Variants in BTBD7 observed in about 807,000 individuals in gnomAD.
BTBD7 encodes the protein BTB domain containing 7, also known as BTB/POZ domain-containing protein 7.
In BTBD7, 38 loss-of-function variants were observed where a neutral mutation model predicts 99.9. The observed-to-expected ratio is 0.38, with a 90% confidence interval of 0.29 to 0.50. The LOEUF (loss-of-function observed/expected upper bound fraction) is 0.50, where lower values mean the gene tolerates loss of function less well. Among genes scored for constraint, BTBD7 ranks in the 20% least tolerant of loss-of-function variants. The pLI, the probability that BTBD7 is intolerant of heterozygous loss-of-function variation, is 0.93. For synonymous variants in BTBD7, 520 were observed against 511.4 expected (o/e 1.02, Z -0.23); for missense variants, 1,170 against 1,394.6 (o/e 0.84, Z 2.57).
At chr14:93,280,595 C>A (rs1343314582) in intron 3 of BTBD7, among the ~76,000 whole-genome samples, 1 of 151,974 alleles carries the variant, frequency 6.6e-6, no homozygotes, top group Non-Finnish European at 1.5e-5. Flanking sequence ...GTATGAGATA[C>A]ATAAAAATGT....
intron 4 of BTBD7, 53 bp from the exon 5 acceptor site, chr14:93,261,730 A>G (rs900848459): frequency 8.8e-6 from 12 of 1,364,330 alleles, no homozygotes; most frequent in Admixed American, 3.5e-5. Context: ...TAAGTGGTTA[A>G]TTTCATTAAG....
rs951006677 is a variant in BTBD7 at position 93,332,833 on chromosome 14, C to T, written c.-120G>A. The T allele has an allele frequency of 6.8e-7, 1 of 1,478,374 alleles. No homozygotes were observed. Among genetic ancestry groups the T allele is most frequent in the Non-Finnish European group, 8.9e-7 (1 of 1,120,962 alleles). The allele number at this position is 1,478,374 out of a possible 1,614,324, so 91.6% of individuals were successfully genotyped here. A position where few individuals can be genotyped will look rare whatever the true frequency, so the allele number is the denominator to read the frequency against. ...AGGGACACTCACCCCGGAGGCTCCT[C>T]CCGCCGCTGCTGCTGCCGCTGGGAC... On this transcript the variant is annotated 5_prime_UTR_variant, in exon 1 of 11. Transcript: ENST00000334746.
At chr14:93,282,666 C>G (rs2052734528) in intron 3 of BTBD7, among the ~76,000 whole-genome samples, 1 of 152,116 alleles carries the variant, frequency 6.6e-6, no homozygotes, top group Non-Finnish European at 1.5e-5. Flanking sequence ...TCAACTGTAT[C>G]TCAACTCTGA....
intron 3 of BTBD7, among the ~76,000 whole-genome samples, chr14:93,278,448 T>C (rs2052680611): frequency 6.6e-6 from 1 of 152,112 alleles, no homozygotes; most frequent in Non-Finnish European, 1.5e-5. Flanking sequence ...CCTTCTGATA[T>C]CTTCTGGTTG....
At chr14:93,306,440 T>TAA (rs10717168) in intron 1 of BTBD7, among the ~76,000 whole-genome samples, 2,583 of 126,874 alleles carry the variant, frequency 0.02, 47 homozygotes, top group South Asian at 0.075. Context: ...CATCTCTCTT[T>TAA]AAAAAAAAAA....
At chr14:93,328,414 T>C (rs1429456840) in intron 1 of BTBD7, among the ~76,000 whole-genome samples, 3 of 152,026 alleles carry the variant, frequency 2.0e-5, no homozygotes, top group Admixed American at 6.6e-5. Context: ...AACAAACTTA[T>C]GGACCAATGG....
chr14:93,289,195 A>G (rs1344099194), intron 3 of BTBD7, among the ~76,000 whole-genome samples: 1 of 152,234 alleles, frequency 6.6e-6, no homozygotes, highest in African/African-American at 2.4e-5. Flanking sequence ...CCATGCATAC[A>G]TAGCAGCTTT....
intron 1 of BTBD7, among the ~76,000 whole-genome samples, chr14:93,300,065 G>C (rs1006761126): frequency 1.3e-5 from 2 of 152,060 alleles, no homozygotes; most frequent in Non-Finnish European, 2.9e-5. Flanking sequence ...GGGAGTTAAG[G>C]TATCTAGGAT....
In BTBD7 at chr14:93,288,714, A is replaced by T. The variant is rs780169708; in HGVS notation, c.1162+5144T>A. On this transcript the variant is annotated intron_variant, in intron 3 of 10. Coordinates refer to ENST00000334746, the MANE Select transcript of BTBD7 (RefSeq NM_001002860.4). ...CTGATGACTGTAGTCTCCTCTGTAA[A>T]ACAAATGGAAGGCAAGCTGGCTTTT... is the stretch of plus-strand genomic sequence containing the variant. The T allele has an allele frequency of 2.5e-6, 4 of 1,607,010 alleles. No homozygotes were observed. In the East Asian group the frequency reaches 8.9e-5, roughly 36 times the overall value.
chr14:93,279,624 T>A (rs552285845), intron 3 of BTBD7, among the ~76,000 whole-genome samples: 2 of 152,172 alleles, frequency 1.3e-5, no homozygotes, highest in Non-Finnish European at 2.9e-5. Flanking sequence ...CCCAGCTCAC[T>A]GCAACCTCCG....
intron 9 of BTBD7, among the ~76,000 whole-genome samples, chr14:93,247,651 C>T (rs1214545561): frequency 6.6e-6 from 1 of 152,196 alleles, no homozygotes; most frequent in Non-Finnish European, 1.5e-5. Flanking sequence ...CGGCCACATC[C>T]TATCCTTTTA....
intron 1 of BTBD7, among the ~76,000 whole-genome samples, chr14:93,311,830 T>C (rs1003138240): frequency 1.3e-5 from 2 of 152,006 alleles, no homozygotes; most frequent in Non-Finnish European, 2.9e-5. Context: ...TGTAAGTCAC[T>C]TGGAATGGTT....
intron 1 of BTBD7, among the ~76,000 whole-genome samples, chr14:93,323,325 T>G (rs1474643863): frequency 6.6e-6 from 1 of 152,196 alleles, no homozygotes; most frequent in African/African-American, 2.4e-5. Flanking sequence ...ATGAAATATA[T>G]ACAGTTAGTA....
In BTBD7 at chr14:93,253,800, AATT is replaced by A; in HGVS notation, c.1609-13_1609-11del. The A allele has an allele frequency of 6.4e-7, 1 of 1,554,278 alleles. No homozygotes were observed. Among genetic ancestry groups the A allele is most frequent in the African/African-American group, 1.4e-5 (1 of 73,392 alleles). ...TCAAGCCTCTTTTCATCTAAAAAAA[AATT>A]TTTTTTTTAGATAGAAATCTGTGTA... On this transcript the variant is annotated splice_polypyrimidine_tract_variant and intron_variant, in intron 6 of 10. Coordinates refer to ENST00000334746, the MANE Select transcript of BTBD7 (RefSeq NM_001002860.4).
chr14:93,242,033 T>C lies in BTBD7; in HGVS notation c.*240A>G, dbSNP rs182953761. Reference sequence around the variant, plus strand: ...TAAAAAGTGCCAGCCTGCTTGTTCTTAAAAATGCCTCCCGACATAATTGTT... The same window carrying C: ...TAAAAAGTGCCAGCCTGCTTGTTCTCAAAAATGCCTCCCGACATAATTGTT... On this transcript the variant is annotated 3_prime_UTR_variant, in exon 11 of 11. Coordinates refer to ENST00000334746, the MANE Select transcript of BTBD7 (RefSeq NM_001002860.4). 9.9e-4 allele frequency: 486 copies of C among 493,030 alleles called. 1 individual carries two copies. The highest frequency in any genetic ancestry group is 8.6e-3 in the African/African-American group (449 of 51,940). The allele number at this position is 493,030 out of a possible 1,614,324, so 30.5% of individuals were successfully genotyped here.
At chr14:93,279,579 GCT>G (rs1322523239) in intron 3 of BTBD7, among the ~76,000 whole-genome samples, 2 of 151,990 alleles carry the variant, frequency 1.3e-5, no homozygotes, top group East Asian at 3.9e-4. Context: ...ACAGAGTCTC[GCT>G]CTGTTGCCCA....
chr14:93,262,037 G>T (rs1303488373), intron 4 of BTBD7, among the ~76,000 whole-genome samples: 1 of 151,474 alleles, frequency 6.6e-6, no homozygotes, highest in East Asian at 1.9e-4. Flanking sequence ...GCCATCATGG[G>T]TCTCTGCAGC....
At chr14:93,300,203 G>GTA (rs1399519736) in intron 1 of BTBD7, among the ~76,000 whole-genome samples, 1 of 150,254 alleles carries the variant, frequency 6.7e-6, no homozygotes, top group Non-Finnish European at 1.5e-5. Flanking sequence ...TAATGAAGTT[G>GTA]TACGGTTTAT....
chr14:93,237,665 T>C lies in BTBD7; in HGVS notation c.*4608A>G, dbSNP rs1425642373. ...AGTGAAAACCTCTGTACAACTGTAA[T>C]GGTACTCAAAAGAGAAATGTATCGT... On this transcript the variant is annotated 3_prime_UTR_variant, in exon 11 of 11. Transcript: ENST00000334746. 3 of 152,644 alleles carry C rather than the reference T, an allele frequency of 2.0e-5. No homozygotes were observed. Among genetic ancestry groups the C allele is most frequent in the African/African-American group, 2.4e-5 (1 of 41,454 alleles). The allele number at this position is 152,644 out of a possible 1,614,324, so 9.5% of individuals were successfully genotyped here.
Sources: gnomAD v4.1 joint callset for allele counts (sites outside exome capture counted in the v4.1 genomes callset) on GRCh38, gnomAD v4.1.1 for gene constraint, MANE v1.5 for transcripts, NCBI Gene and HGNC (gene_info 2026-07-23, HGNC 2026-07-21) for gene names.